ASCC1: variants seen among roughly 807,000 people sequenced by gnomAD.
ASCC1 encodes the protein activating signal cointegrator 1 complex subunit 1, also known as ASC-1 complex subunit P50.
A neutral mutation model predicts 46.6 loss-of-function variants in ASCC1; 35 were observed. The ratio of observed to expected loss-of-function variants is 0.75; its 90% CI spans 0.57 to 0.99. The LOEUF is 0.99. ASCC1 is among the 50% of genes least tolerant of loss of function. The pLI is 0.00. For missense variants in ASCC1, 376 were observed against 428.7 expected (o/e 0.88, Z 1.09); for synonymous variants, 143 against 146.6 (o/e 0.98, Z 0.18).
At chr10:72,162,202 G>A (rs532826796) in intron 5 of ASCC1, among the ~76,000 whole-genome samples, 7 of 151,808 alleles carry the variant, frequency 4.6e-5, no homozygotes, top group Admixed American at 2.6e-4. Context: ...ACAGAATCTC[G>A]CTCTGTTGCC....
chr10:72,102,313 AC>A (rs1322318438), intron 9 of ASCC1: 1 of 1,545,450 alleles, frequency 6.5e-7, no homozygotes, highest in East Asian at 2.5e-5. Flanking sequence ...GTGTGTTTAC[AC>A]ACTCACGGCT....
At position 72,161,626 on chromosome 10, in the gene ASCC1, G is replaced by A; in HGVS notation, c.538C>T (p.Leu180=). ...AAAAGCACCAACATCCCAATAGTTA[G>A]ATGAAGCTTTTTAGGATTCTGGAAA... is the stretch of plus-strand genomic sequence containing the variant. The part of the protein sequence containing the change: ...SIFQNPKKLH[L]TIGMLVLLSE... Residue 180 remains leucine, a synonymous_variant, in exon 6 of 10, where the codon CTA becomes TTA. Coordinates refer to ENST00000672957, the MANE Select transcript of ASCC1 (RefSeq NM_001198800.3). 1.9e-6 allele frequency: 3 copies of A among 1,614,158 alleles called. No homozygotes were observed. The highest frequency in any genetic ancestry group is 2.5e-6 in the Non-Finnish European group (3 of 1,180,020).
chr10:72,194,589 A>G (rs1191139467), intron 5 of ASCC1, among the ~76,000 whole-genome samples: 1 of 149,708 alleles, frequency 6.7e-6, no homozygotes, highest in East Asian at 1.9e-4. Flanking sequence ...AAAATAACCC[A>G]CTAGTGCAGA....
In ASCC1 at chr10:72,208,206, T is replaced by C. The variant is rs547025241; in HGVS notation, c.212+2526A>G. 2.6e-5 allele frequency among the ~76,000 whole-genome samples: 4 copies of C among 152,146 alleles called. No individual in the cohort carries two copies. In the East Asian group the frequency reaches 7.7e-4, roughly 29 times the overall value. On this transcript the variant is annotated intron_variant, in intron 3 of 9. Coordinates refer to ENST00000672957, the MANE Select transcript of ASCC1 (RefSeq NM_001198800.3). Reference sequence around the variant, plus strand: ...TTTAACATGCAAGTCACTTGACACATAATGAGTGCTTAGAATATAGAGAAA... The same window carrying C: ...TTTAACATGCAAGTCACTTGACACACAATGAGTGCTTAGAATATAGAGAAA...
intron 5 of ASCC1, among the ~76,000 whole-genome samples, chr10:72,184,911 A>G (rs1853234586): frequency 6.6e-6 from 1 of 152,228 alleles, no homozygotes; most frequent in Non-Finnish European, 1.5e-5. Context: ...ATATTTCACC[A>G]TAAAAAGAAA....
intron 9 of ASCC1, among the ~76,000 whole-genome samples, chr10:72,114,552 G>A (rs1025467835): frequency 4.0e-5 from 6 of 151,364 alleles, no homozygotes; most frequent in Non-Finnish European, 8.8e-5. Context: ...GTGAACCCGG[G>A]AGGCGGAGCA....
intron 6 of ASCC1, among the ~76,000 whole-genome samples, chr10:72,159,807 A>G (rs953120541): frequency 1.3e-5 from 2 of 152,072 alleles, no homozygotes; most frequent in South Asian, 4.1e-4. Flanking sequence ...TGCAAACCCT[A>G]TCAGCTTATG....
chr10:72,159,903 C>CT (rs900754769), intron 6 of ASCC1, among the ~76,000 whole-genome samples: 2,678 of 129,898 alleles, frequency 0.021, 88 homozygotes, highest in African/African-American at 0.057. Flanking sequence ...TACACAGTTT[C>CT]TTTTTTTTTT....
At chr10:72,118,457 GAAAC>G (rs1461756610) in intron 9 of ASCC1, among the ~76,000 whole-genome samples, 1 of 149,950 alleles carries the variant, frequency 6.7e-6, no homozygotes, top group Non-Finnish European at 1.5e-5. Context: ...ATAATAAAAA[GAAAC>G]AACGTTTTCT....
At chr10:72,139,114 C>CTT (rs1222967667) in intron 7 of ASCC1, among the ~76,000 whole-genome samples, 123 of 130,698 alleles carry the variant, frequency 9.4e-4, no homozygotes, top group African/African-American at 3.2e-3. Flanking sequence ...TTTTCTTTTT[C>CTT]TTTTTTTTTT....
At chr10:72,187,410 C>T (rs61084275) in intron 5 of ASCC1, among the ~76,000 whole-genome samples, 21,592 of 148,712 alleles carry the variant, frequency 0.15, 4,388 homozygotes, top group African/African-American at 0.46. Flanking sequence ...GAGACCATGA[C>T]GGCTAACACA....
chr10:72,202,879 T>C (rs1403776724), intron 4 of ASCC1, among the ~76,000 whole-genome samples: 1 of 152,176 alleles, frequency 6.6e-6, no homozygotes, highest in Non-Finnish European at 1.5e-5. Context: ...CTGGAAGCTT[T>C]ATTCCATCAA....
chr10:72,102,334 C>T (rs1299638360), intron 9 of ASCC1: 2 of 1,548,674 alleles, frequency 1.3e-6, no homozygotes, highest in Admixed American at 3.9e-5. Flanking sequence ...TGTATCTTAC[C>T]CACTAGCTCT....
chr10:72,123,264 G>A (rs778347942), intron 9 of ASCC1, among the ~76,000 whole-genome samples: 19 of 151,716 alleles, frequency 1.3e-4, no homozygotes, highest in Non-Finnish European at 2.7e-4. Context: ...GCATGAACCC[G>A]GGAGGTGGAG....
chr10:72,202,346 T>C (rs770615784), intron 4 of ASCC1, among the ~76,000 whole-genome samples: 16 of 151,978 alleles, frequency 1.1e-4, no homozygotes, highest in Non-Finnish European at 2.1e-4. Context: ...CACACACCTG[T>C]AGTCCCAGCT....
chr10:72,190,605 T>A, intron 5 of ASCC1: 2 of 1,083,028 alleles, frequency 1.8e-6, no homozygotes, highest in Non-Finnish European at 1.3e-6. Flanking sequence ...AATTCATACC[T>A]AATAAACAAT....
intron 9 of ASCC1, among the ~76,000 whole-genome samples, chr10:72,099,768 C>T (rs1841520297): frequency 2.6e-5 from 4 of 151,876 alleles, no homozygotes; most frequent in Admixed American, 2.0e-4. Flanking sequence ...TGCGGTGAGC[C>T]GAGATTGCAT....
At chr10:72,210,603 G>A in intron 3 of ASCC1, 129 bp downstream of exon 3, 1 of 746,098 alleles carries the variant, frequency 1.3e-6, no homozygotes. Flanking sequence ...TGACATTTCA[G>A]GACATAACAC....
intron 7 of ASCC1, among the ~76,000 whole-genome samples, chr10:72,136,724 C>A (rs113555164): frequency 6.6e-6 from 1 of 152,182 alleles, no homozygotes; most frequent in Admixed American, 6.5e-5. Context: ...TCTTTGGGTC[C>A]GCACTACCTT....
Sources: gnomAD v4.1 joint callset for allele counts (sites outside exome capture counted in the v4.1 genomes callset) on GRCh38, gnomAD v4.1.1 for gene constraint, MANE v1.5 for transcripts, NCBI Gene and HGNC (gene_info 2026-07-23, HGNC 2026-07-21) for gene names.